The following DCC variants were observed in gnomAD, a reference collection of about 807,000 sequenced individuals.
The protein encoded by DCC is netrin receptor DCC.
In DCC, 58 loss-of-function variants were observed where a neutral mutation model predicts 172.5. That is an observed-to-expected ratio of 0.34 (90% confidence interval 0.27 to 0.42). The LOEUF (loss-of-function observed/expected upper bound fraction) is 0.42. DCC is among the 10% of genes least tolerant of loss of function. The pLI is 1.00. For synonymous variants in DCC, 709 were observed against 644.5 expected (o/e 1.10, Z -1.52); for missense variants, 1,740 against 1,791.0 (o/e 0.97, Z 0.51).
Position 52,908,671 on chromosome 18 carries a change from A to C in DCC, c.697+2343A>C, listed in dbSNP as rs544399292. On this transcript the variant is annotated intron_variant, in intron 3 of 28. Transcript: ENST00000442544. ...ATTTACCTTTGTTTCTTCACCTTGC[A>C]ACAGCCATTTGCATTGTAAACCATG... 1.5e-3 allele frequency among the ~76,000 whole-genome samples: 226 copies of C among 152,320 alleles called. 3 individuals carry two copies. The highest frequency in any genetic ancestry group is 5.0e-3 in the African/African-American group (209 of 41,590).
chr18:52,708,441 CAAAAA>C (rs10605224), intron 1 of DCC, among the ~76,000 whole-genome samples: 3 of 136,144 alleles, frequency 2.2e-5, no homozygotes, highest in Non-Finnish European at 3.2e-5. Flanking sequence ...GACTCTGTCT[CAAAAA>C]AAAAAAAAAA....
intron 12 of DCC, among the ~76,000 whole-genome samples, chr18:53,218,227 A>G (rs774246999): frequency 7.9e-5 from 12 of 152,148 alleles, no homozygotes; most frequent in Non-Finnish European, 1.2e-4. Context: ...ATTCTATATC[A>G]TATTTGTAAA....
intron 13 of DCC, among the ~76,000 whole-genome samples, chr18:53,308,640 T>C (rs2144791223): frequency 6.6e-6 from 1 of 152,282 alleles, no homozygotes; most frequent in East Asian, 1.9e-4. Flanking sequence ...CAAATGGAAG[T>C]TAACACATTC....
At chr18:53,340,330 T>C (rs956647902) in intron 15 of DCC, among the ~76,000 whole-genome samples, 1 of 152,206 alleles carries the variant, frequency 6.6e-6, no homozygotes, top group East Asian at 1.9e-4. Context: ...TCTGTTAATT[T>C]TTCTTTAACC....
At chr18:52,918,640 C>T (rs2040074970) in intron 3 of DCC, among the ~76,000 whole-genome samples, 1 of 152,056 alleles carries the variant, frequency 6.6e-6, no homozygotes. Context: ...CCCATAATTC[C>T]ATCACACAAC....
intron 1 of DCC, among the ~76,000 whole-genome samples, chr18:52,617,990 C>T (rs1220071474): frequency 6.6e-6 from 1 of 152,088 alleles, no homozygotes; most frequent in Non-Finnish European, 1.5e-5. Flanking sequence ...AATTTTATTA[C>T]AGTGAATCCA....
intron 5 of DCC, among the ~76,000 whole-genome samples, chr18:53,033,542 G>A (rs1391138908): frequency 4.6e-5 from 7 of 152,104 alleles, no homozygotes; most frequent in East Asian, 1.9e-4. Context: ...CTATGTTTGC[G>A]TCCTGCATGC....
intron 27 of DCC, 50 bp from the exon 28 acceptor site, chr18:53,526,567 T>C: frequency 6.3e-7 from 1 of 1,589,602 alleles, no homozygotes; most frequent in Non-Finnish European, 8.6e-7. Flanking sequence ...GAGAAAGTGT[T>C]CTGCAGAATG....
At chr18:53,052,884 C>T (rs1013760566) in intron 5 of DCC, among the ~76,000 whole-genome samples, 1 of 152,006 alleles carries the variant, frequency 6.6e-6, no homozygotes, top group Non-Finnish European at 1.5e-5. Flanking sequence ...ATGGCTCATG[C>T]CTAATCCCAG....
At chr18:53,143,107 G>A (rs945610157) in intron 7 of DCC, among the ~76,000 whole-genome samples, 1 of 152,060 alleles carries the variant, frequency 6.6e-6, no homozygotes, top group Non-Finnish European at 1.5e-5. Flanking sequence ...CTCACTAAGT[G>A]GTGGCTGAGT....
chr18:53,305,892 A>T (rs926718839), intron 13 of DCC, among the ~76,000 whole-genome samples, 173 bp downstream of exon 13: 1 of 152,210 alleles, frequency 6.6e-6, no homozygotes, highest in Non-Finnish European at 1.5e-5. Flanking sequence ...ATTCTCTATA[A>T]TGTTTTCACT....
intron 1 of DCC, among the ~76,000 whole-genome samples, chr18:52,391,012 A>AT (rs926405873): frequency 5.0e-4 from 75 of 151,500 alleles, no homozygotes; most frequent in Non-Finnish European, 9.0e-4. Context: ...CTTGTTACAG[A>AT]TTTTTTTTTG....
chr18:53,095,402 C>T (rs1219231023), intron 7 of DCC, among the ~76,000 whole-genome samples: 1 of 152,186 alleles, frequency 6.6e-6, no homozygotes, highest in African/African-American at 2.4e-5. Context: ...GTGTGTTTGA[C>T]TTGCTCTAAG....
At chr18:53,437,894 C>T (rs1211105239) in intron 22 of DCC, among the ~76,000 whole-genome samples, 2 of 152,170 alleles carry the variant, frequency 1.3e-5, no homozygotes, top group African/African-American at 2.4e-5. Flanking sequence ...AGGACCAATA[C>T]ACCAAGAGGG....
intron 9 of DCC, among the ~76,000 whole-genome samples, chr18:53,188,966 A>G (rs1449378271): frequency 6.6e-6 from 1 of 152,130 alleles, no homozygotes. Flanking sequence ...TTAACTAATT[A>G]TATCTGCAAA....
intron 3 of DCC, among the ~76,000 whole-genome samples, chr18:52,908,278 T>C (rs2039920362): frequency 6.6e-6 from 1 of 152,214 alleles, no homozygotes; most frequent in African/African-American, 2.4e-5. Context: ...GATTCTCTAC[T>C]CCATTAGTCA....
chr18:52,862,444 T>C (rs1460639105), intron 2 of DCC, among the ~76,000 whole-genome samples: 5 of 152,108 alleles, frequency 3.3e-5, no homozygotes, highest in Non-Finnish European at 7.4e-5. Context: ...GGCTCACACC[T>C]GTAATCCCAA....
At chr18:52,524,731 C>T (rs560466812) in intron 1 of DCC, among the ~76,000 whole-genome samples, 3 of 152,088 alleles carry the variant, frequency 2.0e-5, no homozygotes, top group Non-Finnish European at 4.4e-5. Flanking sequence ...TGCTGTTCAT[C>T]CTTATTAACA....
At chr18:53,446,872 T>G (rs1912644146) in intron 22 of DCC, among the ~76,000 whole-genome samples, 1 of 152,170 alleles carries the variant, frequency 6.6e-6, no homozygotes, top group Non-Finnish European at 1.5e-5. Flanking sequence ...ACTTCACTGT[T>G]TAAAATGGTC....
Sources: allele counts gnomAD v4.1 joint callset (sites outside exome capture counted in the v4.1 genomes callset), GRCh38; gene constraint gnomAD v4.1.1; transcripts MANE v1.5; gene names NCBI Gene and HGNC (gene_info 2026-07-23, HGNC 2026-07-21).